Variants in ACAD10 observed in about 807,000 individuals in gnomAD.
ACAD10 encodes acyl-CoA dehydrogenase family member 10.
ACAD10 carries 112 observed loss-of-function variants against 116.8 expected under a neutral mutation model. The ratio of observed to expected loss-of-function variants is 0.96; its 90% CI spans 0.82 to 1.12. ACAD10 has a LOEUF of 1.12. ACAD10 is among the 50% of genes most tolerant of loss of function. ACAD10 has a pLI of 0.00. For missense variants in ACAD10, 1,259 were observed against 1,350.2 expected (o/e 0.93, Z 1.06); for synonymous variants, 486 against 510.6 (o/e 0.95, Z 0.65).
chr12:111,725,883 TTAA>T (rs1253514501), intron 8 of ACAD10, among the ~76,000 whole-genome samples: 1 of 152,130 alleles, frequency 6.6e-6, no homozygotes, highest in Non-Finnish European at 1.5e-5. Context: ...TAACAATTAT[TTAA>T]TAATAATACT....
At chr12:111,710,279 G>A (rs1230974554) in intron 5 of ACAD10, 2 of 454,058 alleles carry the variant, frequency 4.4e-6, no homozygotes, top group Non-Finnish European at 8.8e-6. Context: ...GTAGAGACAG[G>A]GTTTTGCCGT....
At chr12:111,692,984 G>A in intron 2 of ACAD10, 88 bp downstream of exon 2, 2 of 1,449,038 alleles carry the variant, frequency 1.4e-6, no homozygotes, top group Non-Finnish European at 1.9e-6. Context: ...GGAACACTTG[G>A]GCAGCAGTGT....
At chr12:111,752,326 G>C (rs7964201) in intron 18 of ACAD10, among the ~76,000 whole-genome samples, 2 of 151,878 alleles carry the variant, frequency 1.3e-5, no homozygotes, top group African/African-American at 4.8e-5. Flanking sequence ...CAGGCTGGCC[G>C]GGTGCTGTGG....
chr12:111,708,566 T>G (rs1294903810), intron 4 of ACAD10, among the ~76,000 whole-genome samples: 1 of 152,146 alleles, frequency 6.6e-6, no homozygotes, highest in Non-Finnish European at 1.5e-5. Context: ...AGGGCAGTTC[T>G]CACCCAACCC....
At chr12:111,754,056 T>G (rs1401645746) in intron 19 of ACAD10, 141 bp downstream of exon 19, 32 of 1,244,226 alleles carry the variant, frequency 2.6e-5, no homozygotes, top group African/African-American at 1.5e-5. Context: ...TTTCAAAAAT[T>G]GGAAAGGCAC....
chr12:111,710,497 ATT>A (rs34767337), intron 5 of ACAD10: 897 of 209,610 alleles, frequency 4.3e-3, no homozygotes, highest in South Asian at 8.3e-3. Context: ...GTATTGTGAA[ATT>A]TTTTTTTTTT....
At chr12:111,701,333 A>T (rs1888343120) in intron 2 of ACAD10, among the ~76,000 whole-genome samples, 1 of 152,172 alleles carries the variant, frequency 6.6e-6, no homozygotes, top group Admixed American at 6.5e-5. Flanking sequence ...ATGCTGATCC[A>T]TCCACTGCCT....
intron 10 of ACAD10, among the ~76,000 whole-genome samples, chr12:111,732,405 CTA>C (rs1889414894): frequency 6.6e-6 from 1 of 152,076 alleles, no homozygotes; most frequent in Non-Finnish European, 1.5e-5. Context: ...TGAAAGAACA[CTA>C]TATGTGGTAT....
intron 7 of ACAD10, among the ~76,000 whole-genome samples, chr12:111,719,528 A>C (rs1420765382): frequency 1.3e-5 from 2 of 152,030 alleles, no homozygotes; most frequent in African/African-American, 4.8e-5. Flanking sequence ...CTGGGATTAC[A>C]GGCATGAGTC....
At chr12:111,718,645 A>G (rs1159202441) in intron 7 of ACAD10, among the ~76,000 whole-genome samples, 2 of 151,850 alleles carry the variant, frequency 1.3e-5, no homozygotes, top group African/African-American at 2.4e-5. Context: ...ATACCCAGGT[A>G]ATTTTTGTAT....
At position 111,745,021 on chromosome 12, in the gene ACAD10, C is replaced by A; in HGVS notation, c.2093C>A (p.Ser698Tyr). 6.2e-7 allele frequency: 1 copy of A among 1,613,512 alleles called. No individual in the cohort carries two copies. Among genetic ancestry groups the A allele is most frequent in the Non-Finnish European group, 8.5e-7 (1 of 1,179,940 alleles). ...HQASAARWSP[S>Y]PLIEDLKEKA... ...GCCTCAGCAGCCAGGTGGAGCCCCTCCCCACTGATCGAAGACCTCAAGGTA... is the reference window on the plus strand; with the variant it reads ...GCCTCAGCAGCCAGGTGGAGCCCCTACCCACTGATCGAAGACCTCAAGGTA... The change falls in exon 13 of 21, where the codon TCC (serine) becomes TAC (tyrosine). Residue 698 changes from serine to tyrosine, a missense_variant. Ser to Tyr is a moderately radical substitution (Grantham distance 144). Coordinates refer to ENST00000313698, the MANE Select transcript of ACAD10 (RefSeq NM_025247.6).
chr12:111,743,188 C>A (rs550057285), intron 12 of ACAD10, among the ~76,000 whole-genome samples: 1 of 152,016 alleles, frequency 6.6e-6, no homozygotes, highest in African/African-American at 2.4e-5. Context: ...GTCTCAGATG[C>A]AGGGCTCAGA....
intron 6 of ACAD10, chr12:111,715,600 T>C: frequency 1.9e-6 from 1 of 535,696 alleles, no homozygotes. Context: ...TGAATGGCCT[T>C]TGACAAACTG....
At chr12:111,698,713 G>T (rs1226798812) in intron 2 of ACAD10, among the ~76,000 whole-genome samples, 4 of 151,770 alleles carry the variant, frequency 2.6e-5, no homozygotes, top group Non-Finnish European at 4.4e-5. Context: ...CCTACCTTAG[G>T]TGATTGCCCG....
At chr12:111,749,050 G>A in intron 17 of ACAD10, 123 bp from the exon 18 acceptor site, 2 of 1,613,160 alleles carry the variant, frequency 1.2e-6, no homozygotes, top group Non-Finnish European at 1.7e-6. Flanking sequence ...CCATGTCCCA[G>A]TAAGAAGGCT....
Position 111,721,664 on chromosome 12 carries a change from C to G in ACAD10, c.993-7C>G. ...GCAATTTTGTTTATTTTCATTTGTCCTTGCAGGATTATGAAAGCCCTTGCA... is the reference window on the plus strand; with the variant it reads ...GCAATTTTGTTTATTTTCATTTGTCGTTGCAGGATTATGAAAGCCCTTGCA... On this transcript the variant is annotated splice_region_variant and splice_polypyrimidine_tract_variant and intron_variant, in intron 7 of 20. Transcript: ENST00000313698. 6.3e-7 allele frequency: 1 copy of G among 1,593,350 alleles called. No homozygotes were observed. Among genetic ancestry groups the G allele is most frequent in the Non-Finnish European group, 8.6e-7 (1 of 1,164,962 alleles).
intron 9 of ACAD10, 70 bp downstream of exon 9, chr12:111,728,213 C>T (rs1296064701): frequency 6.2e-6 from 9 of 1,463,064 alleles, no homozygotes; most frequent in Non-Finnish European, 7.4e-6. Context: ...GGATCTGAAT[C>T]GTTTTGGGTC....
Position 111,728,064 on chromosome 12 carries a change from C to T in ACAD10, c.1164C>T (p.Tyr388=). The change falls in exon 9 of 21, where the codon TAC becomes TAT. Residue 388 remains tyrosine (Y), a synonymous_variant. Transcript: ENST00000313698. Reference sequence around the variant, plus strand: ...AGCCCAGCCACAGACGAGCCATATACACTGCCATGAACACAGTCCTGTGCA... The same window carrying T: ...AGCCCAGCCACAGACGAGCCATATATACTGCCATGAACACAGTCCTGTGCA... ...GLEPSHRRAI[Y]TAMNTVLCKI... is the part of the protein sequence containing the mutation. 1 of 1,614,168 alleles carries T rather than the reference C, an allele frequency of 6.2e-7. No homozygotes were observed. Among genetic ancestry groups the T allele is most frequent in the Non-Finnish European group, 8.5e-7 (1 of 1,180,014 alleles).
intron 5 of ACAD10, chr12:111,710,337 C>T (rs1371154296): frequency 1.5e-5 from 7 of 453,336 alleles, no homozygotes; most frequent in Non-Finnish European, 2.2e-5. Context: ...ATCTACCCAC[C>T]TTACCCTCCC....
Sources: allele counts gnomAD v4.1 joint callset (sites outside exome capture counted in the v4.1 genomes callset), GRCh38; gene constraint gnomAD v4.1.1; transcripts MANE v1.5; gene names NCBI Gene and HGNC (gene_info 2026-07-23, HGNC 2026-07-21).